MAP6: variants seen among roughly 807,000 people sequenced by gnomAD.
MAP6 encodes microtubule associated protein 6.
Under a neutral mutation model 42.4 loss-of-function variants are expected in MAP6, and 26 were observed. That is an observed-to-expected ratio of 0.61 (90% confidence interval 0.45 to 0.85). The LOEUF (loss-of-function observed/expected upper bound fraction) is 0.85, where lower values mean the gene tolerates loss of function less well. Ranked by LOEUF, MAP6 falls within the 40% of genes least tolerant of loss-of-function variation. The pLI is 0.00. For synonymous variants in MAP6, 418 were observed against 443.8 expected (o/e 0.94, Z 0.73); for missense variants, 966 against 1,099.0 (o/e 0.88, Z 1.71).
chr11:75,630,607 T>A (rs879939007), intron 1 of MAP6, among the ~76,000 whole-genome samples: 2 of 152,244 alleles, frequency 1.3e-5, no homozygotes, highest in African/African-American at 2.4e-5. Flanking sequence ...TCTTGAATTT[T>A]ATAGGTGTGA....
chr11:75,628,481 G>A (rs527483685), intron 1 of MAP6, among the ~76,000 whole-genome samples: 1 of 152,186 alleles, frequency 6.6e-6, no homozygotes, highest in African/African-American at 2.4e-5. Flanking sequence ...CCCCGCCCTT[G>A]CTCCCCGAAT....
Position 75,607,252 on chromosome 11 carries a change from G to T in MAP6, c.1119+857C>A, listed in dbSNP as rs73488413. 8.3e-3 allele frequency: 8,187 copies of T among 985,436 alleles called. 365 individuals are homozygous for T. In the East Asian group the frequency reaches 0.12, roughly 15 times the overall value. 61.0% of individuals were successfully genotyped at this position (985,436 alleles called of 1,614,324 possible). The stretch of plus-strand genomic sequence containing the variant: ...CCTGGGCCAAATAGGAAACTCCACT[G>T]AAGTGCAAGACTTTAGGACAAAAGC... On this transcript the variant is annotated intron_variant, in intron 2 of 3. Coordinates refer to ENST00000304771, the MANE Select transcript of MAP6 (RefSeq NM_033063.2).
At position 75,588,752 on chromosome 11, in the gene MAP6, T is replaced by C. The variant is rs1942419655; in HGVS notation, c.1317-568A>G. 2.0e-5 allele frequency among the ~76,000 whole-genome samples: 3 copies of C among 152,196 alleles called. No homozygotes were observed. In the South Asian group the frequency reaches 6.2e-4, roughly 32 times the overall value. ...AAAGGAAGCAGTGGGAATGCCCCTC[T>C]CTCCCTCTCCTGCAAGGGGAAAAGT... is the stretch of plus-strand genomic sequence containing the variant. On this transcript the variant is annotated intron_variant, in intron 3 of 3. Transcript: ENST00000304771.
In MAP6 at chr11:75,605,855, G is replaced by A; in HGVS notation, c.1269C>T (p.Asp423=). The part of the protein sequence containing the change: ...AEGPSTTKPD[D]KEQSKEMNNK... Reference sequence around the variant, plus strand: ...TGTTCATCTCTTTGCTTTGCTCCTTGTCGTCTGGCTTGGTGGTACTCGGGC... The same window carrying A: ...TGTTCATCTCTTTGCTTTGCTCCTTATCGTCTGGCTTGGTGGTACTCGGGC... The change falls in exon 3 of 4, where the codon GAC becomes GAT. Residue 423 remains aspartate, a synonymous_variant. Transcript: ENST00000304771. 1.2e-6 allele frequency: 2 copies of A among 1,614,106 alleles called. No homozygotes were observed. Among genetic ancestry groups the A allele is most frequent in the Non-Finnish European group, 8.5e-7 (1 of 1,180,038 alleles).
intron 1 of MAP6, among the ~76,000 whole-genome samples, chr11:75,612,034 T>G (rs1293409387): frequency 1.3e-5 from 2 of 152,256 alleles, no homozygotes; most frequent in Non-Finnish European, 2.9e-5. Flanking sequence ...GGGCCTGGCC[T>G]GCTGCCTGCA....
chr11:75,639,262 GTAACCAA>G (rs1943421328), intron 1 of MAP6, among the ~76,000 whole-genome samples: 1 of 152,186 alleles, frequency 6.6e-6, no homozygotes, highest in African/African-American at 2.4e-5. Flanking sequence ...ATATATCCAT[GTAACCAA>G]GCCACACTTG....
chr11:75,644,906 A>G (rs1051661238), intron 1 of MAP6, among the ~76,000 whole-genome samples: 1 of 152,218 alleles, frequency 6.6e-6, no homozygotes, highest in African/African-American at 2.4e-5. Flanking sequence ...AGCTCCAAAG[A>G]AAGAGAATCT....
chr11:75,607,343 G>C (rs1301210978), intron 2 of MAP6: 7 of 985,304 alleles, frequency 7.1e-6, no homozygotes, highest in African/African-American at 1.7e-5. Flanking sequence ...ATTATAGAGA[G>C]GACAGTGGAT....
At chr11:75,661,078 T>C (rs1943836210) in intron 1 of MAP6, among the ~76,000 whole-genome samples, 1 of 152,066 alleles carries the variant, frequency 6.6e-6, no homozygotes, top group African/African-American at 2.4e-5. Context: ...CTATGATCAA[T>C]TTTATGTCAA....
In MAP6 at chr11:75,668,450, C is replaced by T. The variant is rs1944004802; in HGVS notation, c.-81G>A. 2 of 1,439,948 alleles carry T rather than the reference C, an allele frequency of 1.4e-6. No individual in the cohort carries two copies. Among genetic ancestry groups the T allele is most frequent in the African/African-American group, 1.5e-5 (1 of 68,410 alleles). 89.2% of individuals were successfully genotyped at this position (1,439,948 alleles called of 1,614,324 possible). A position where few individuals can be genotyped will look rare whatever the true frequency, so the allele number is the denominator to read the frequency against. On this transcript the variant is annotated 5_prime_UTR_variant, in exon 1 of 4. Coordinates refer to ENST00000304771, the MANE Select transcript of MAP6 (RefSeq NM_033063.2). ...CTATAATCTTCCTTCAGCCTCCGAT[C>T]CTGACCGGCCAATGTGGTTCCCACC...
intron 1 of MAP6, among the ~76,000 whole-genome samples, chr11:75,634,431 C>G (rs1197011338): frequency 6.6e-6 from 1 of 152,196 alleles, no homozygotes; most frequent in Non-Finnish European, 1.5e-5. Flanking sequence ...CATGTGCCAC[C>G]ACATCCAGCT....
intron 1 of MAP6, among the ~76,000 whole-genome samples, chr11:75,631,294 C>T (rs1351246045): frequency 6.6e-6 from 1 of 152,158 alleles, no homozygotes. Context: ...GTTTGGAATC[C>T]CAATTATGCT....
chr11:75,627,186 C>T (rs1004330892), intron 1 of MAP6, among the ~76,000 whole-genome samples: 1 of 152,198 alleles, frequency 6.6e-6, no homozygotes, highest in African/African-American at 2.4e-5. Context: ...ACAGACACTC[C>T]GCACCTGACT....
At chr11:75,651,195 T>C (rs1197663220) in intron 1 of MAP6, among the ~76,000 whole-genome samples, 2 of 152,172 alleles carry the variant, frequency 1.3e-5, no homozygotes, top group Middle Eastern at 3.2e-3. Context: ...CAAATATGAA[T>C]TGAATGAACA....
At chr11:75,598,935 A>G (rs1346585991) in intron 3 of MAP6, 1 of 152,276 alleles carries the variant, frequency 6.6e-6, no homozygotes, top group East Asian at 1.9e-4. Flanking sequence ...CCCTGAGCAG[A>G]GTCTTGAAGG....
rs148557674 is a variant in MAP6 at position 75,587,689 on chromosome 11, C to G, written c.1812G>C (p.Lys604Asn). The G allele has an allele frequency of 1.2e-6, 2 of 1,613,484 alleles. No homozygotes were observed. Among genetic ancestry groups the G allele is most frequent in the Non-Finnish European group, 1.7e-6 (2 of 1,179,840 alleles). Residue 604 changes from lysine (K) to asparagine (N), a missense_variant, in exon 4 of 4, where the codon AAG becomes AAC. Lys to Asn is a moderately conservative substitution (Grantham distance 94). This residue lies in a region of MAP6 where 943 missense variants were observed against 1,049.9 expected (regional missense o/e 0.90). Transcript: ENST00000304771. ...GTGCTGGGACTATGGGACCTTGATC[C>G]TTGACAGGTGCTGAGACCATGGGAC... ...DQGPMVSAPV[K>N]DQGPIVPAPV...
Position 75,653,012 on chromosome 11 carries a change from C to T in MAP6, c.905+14453G>A, listed in dbSNP as rs949244265. Among the ~76,000 whole-genome samples the T allele has an allele frequency of 2.6e-5, 4 of 152,106 alleles. No individual in the cohort carries two copies. The South Asian group carries it at 6.2e-4, about 24-fold the overall frequency. On this transcript the variant is annotated intron_variant, in intron 1 of 3. Transcript: ENST00000304771. ...TCTTACTTCTCTCCCACCCATATTA[C>T]ATCCATGATGCCTCATTTTTTTCTC...
chr11:75,632,766 T>TCCAG (rs750382195), intron 1 of MAP6, among the ~76,000 whole-genome samples: 2 of 152,094 alleles, frequency 1.3e-5, no homozygotes, highest in African/African-American at 4.8e-5. Flanking sequence ...CATCTATCCA[T>TCCAG]CCAGCCAGCC....
chr11:75,597,541 A>ACC (rs1010694654), intron 3 of MAP6, among the ~76,000 whole-genome samples: 8 of 152,166 alleles, frequency 5.3e-5, no homozygotes, highest in African/African-American at 1.9e-4. Context: ...TCTGCTAATG[A>ACC]CCCTTTTTAA....
Sources: gnomAD v4.1 joint callset for allele counts (sites outside exome capture counted in the v4.1 genomes callset) on GRCh38, gnomAD v4.1.1 for gene constraint, gnomAD v4.1.1 regional missense constraint, MANE v1.5 for transcripts, NCBI Gene and HGNC (gene_info 2026-07-23, HGNC 2026-07-21) for gene names.